The following DOCK8 variants were observed in gnomAD, a reference collection of about 807,000 sequenced individuals.
DOCK8 encodes dedicator of cytokinesis 8, also known as dedicator of cytokinesis protein 8.
A neutral mutation model predicts 245.6 loss-of-function variants in DOCK8; 141 were observed. The ratio of observed to expected loss-of-function variants is 0.57; its 90% confidence interval spans 0.50 to 0.66. DOCK8 has a LOEUF of 0.66. Ranked by LOEUF, DOCK8 falls within the 30% of genes least tolerant of loss-of-function variation. The probability of loss-of-function intolerance (pLI) is 0.00; values close to 1 mark genes in which losing one functional copy is unlikely to be tolerated. For synonymous variants in DOCK8, 1,168 were observed against 970.2 expected, an observed-to-expected ratio of 1.20 and a Z score of -3.79; for missense variants, 2,965 against 2,603.4, an observed-to-expected ratio of 1.14 and a Z score of -3.02.
chr9:450,683 C>G (rs908038161), intron 45 of DOCK8, among the ~76,000 whole-genome samples: 4 of 151,410 alleles, frequency 2.6e-5, no homozygotes, highest in African/African-American at 9.7e-5. Flanking sequence ...ATCAAGGGAG[C>G]AGAAACAGAG....
chr9:266,534 C>T (rs2048037960), intron 1 of DOCK8, among the ~76,000 whole-genome samples: 1 of 152,120 alleles, frequency 6.6e-6, no homozygotes, highest in African/African-American at 2.4e-5. Flanking sequence ...TGGGGTAGGT[C>T]CAGGAATTCG....
intron 14 of DOCK8, chr9:340,552 C>G (rs1228184238): frequency 4.2e-6 from 2 of 479,940 alleles, no homozygotes; most frequent in East Asian, 4.4e-5. Flanking sequence ...ACCCAGGAGG[C>G]AGAGGTTGCA....
chr9:216,442 A>G (rs1016251128), intron 1 of DOCK8, among the ~76,000 whole-genome samples: 1 of 150,986 alleles, frequency 6.6e-6, no homozygotes, highest in African/African-American at 2.4e-5. Context: ...AGGCTGAGAC[A>G]AGAGCATCGC....
intron 28 of DOCK8, among the ~76,000 whole-genome samples, chr9:413,959 T>G (rs1318585390): frequency 2.6e-5 from 4 of 152,282 alleles, no homozygotes; most frequent in African/African-American, 9.6e-5. Flanking sequence ...CTGGCCAAGA[T>G]GGTGAAACCC....
intron 1 of DOCK8, among the ~76,000 whole-genome samples, chr9:221,671 A>T (rs1394497806): frequency 1.3e-5 from 2 of 151,458 alleles, no homozygotes; most frequent in East Asian, 3.9e-4. Context: ...AAAAAAAAAA[A>T]ATTAGCCAGG....
intron 42 of DOCK8, 41 bp from the exon 43 acceptor site, chr9:443,386 G>A (rs2131823069): frequency 6.3e-7 from 1 of 1,578,728 alleles, no homozygotes. Flanking sequence ...GTTGCATTAT[G>A]TTAAAATAAC....
At chr9:313,197 C>G (rs548805077) in intron 6 of DOCK8, among the ~76,000 whole-genome samples, 15 of 152,244 alleles carry the variant, frequency 9.9e-5, no homozygotes, top group Non-Finnish European at 1.5e-4. Flanking sequence ...TACTCACCAT[C>G]TAGCACCTTC....
intron 14 of DOCK8, among the ~76,000 whole-genome samples, chr9:343,789 T>C (rs2051727865): frequency 6.6e-6 from 1 of 152,194 alleles, no homozygotes; most frequent in African/African-American, 2.4e-5. Context: ...TTTTAGAAAC[T>C]TTATCCTATA....
In DOCK8 at chr9:418,043, A is replaced by G. The variant is rs571654059; in HGVS notation, c.3701-25A>G. The G allele has an allele frequency of 1.9e-6, 3 of 1,614,148 alleles. No individual in the cohort carries two copies. The East Asian group carries it at 6.7e-5, about 36-fold the overall frequency. Reference sequence around the variant, plus strand: ...GGGGAAATGTCATGTTTGACTTGACATCACAAACGATGTTTTCATTGCAGT... The same window carrying G: ...GGGGAAATGTCATGTTTGACTTGACGTCACAAACGATGTTTTCATTGCAGT... On this transcript the variant is annotated intron_variant, in intron 29 of 47. Transcript: ENST00000432829.
chr9:307,012 T>C (rs1183389325), intron 5 of DOCK8, among the ~76,000 whole-genome samples: 1 of 151,918 alleles, frequency 6.6e-6, no homozygotes, highest in Non-Finnish European at 1.5e-5. Context: ...AAGATAAGGG[T>C]GATTCTGGAA....
At chr9:401,733 G>C (rs1586923422) in intron 26 of DOCK8, among the ~76,000 whole-genome samples, 1 of 152,054 alleles carries the variant, frequency 6.6e-6, no homozygotes, top group African/African-American at 2.4e-5. Context: ...TCTTTGACTT[G>C]TTTACATAAC....
Position 426,993 on chromosome 9 carries a change from A to C in DOCK8, c.4338+12A>C. The stretch of plus-strand genomic sequence containing the variant: ...AAAACATTATCCAGGTGAGGAAAAC[A>C]AACACCCAATCTGATTTGTTGGCCA... On this transcript the variant is annotated intron_variant, in intron 34 of 47. Transcript: ENST00000432829. 6.2e-7 allele frequency: 1 copy of C among 1,608,542 alleles called. No homozygotes were observed. The highest frequency in any genetic ancestry group is 1.1e-5 in the South Asian group (1 of 90,858).
At chr9:404,660 T>C (rs1213767568) in intron 26 of DOCK8, among the ~76,000 whole-genome samples, 1 of 152,198 alleles carries the variant, frequency 6.6e-6, no homozygotes, top group Non-Finnish European at 1.5e-5. Context: ...GTATTAAAGA[T>C]TTGATAAAGT....
At chr9:282,024 C>G (rs2048610041) in intron 2 of DOCK8, among the ~76,000 whole-genome samples, 1 of 152,216 alleles carries the variant, frequency 6.6e-6, no homozygotes, top group African/African-American at 2.4e-5. Context: ...GAGTTTATGA[C>G]TTTATCATCA....
At chr9:239,067 C>A (rs62531301) in intron 1 of DOCK8, among the ~76,000 whole-genome samples, 9,431 of 152,304 alleles carry the variant, frequency 0.062, 322 homozygotes, top group African/African-American at 0.075. Context: ...ACACTCCACA[C>A]AGACGGTGGC....
At chr9:450,268 C>T (rs10814965) in intron 45 of DOCK8, among the ~76,000 whole-genome samples, 63,187 of 152,036 alleles carry the variant, frequency 0.42, 15,779 homozygotes, top group Non-Finnish European at 0.58. Context: ...GACCAATTCA[C>T]GCAGAGTAAT....
At chr9:298,296 A>G (rs2049356547) in intron 4 of DOCK8, among the ~76,000 whole-genome samples, 2 of 152,136 alleles carry the variant, frequency 1.3e-5, no homozygotes, top group South Asian at 4.1e-4. Context: ...ACGGTGGCGC[A>G]TGCCTGTGAT....
intron 18 of DOCK8, among the ~76,000 whole-genome samples, chr9:373,127 A>G (rs1315432608): frequency 6.6e-6 from 1 of 152,162 alleles, no homozygotes; most frequent in African/African-American, 2.4e-5. Flanking sequence ...AGATCACACC[A>G]CTGCACTGCA....
chr9:249,791 T>C (rs971934073), intron 1 of DOCK8, among the ~76,000 whole-genome samples: 5 of 151,164 alleles, frequency 3.3e-5, no homozygotes, highest in African/African-American at 1.2e-4. Context: ...CTAATTTTTT[T>C]TTTTTTTTGT....
Sources: allele counts gnomAD v4.1 joint callset (sites outside exome capture counted in the v4.1 genomes callset), GRCh38; gene constraint gnomAD v4.1.1; transcripts MANE v1.5; gene names NCBI Gene and HGNC (gene_info 2026-07-23, HGNC 2026-07-21).